PLRG1: variants seen among roughly 807,000 people sequenced by gnomAD.
PLRG1 encodes the protein pleiotropic regulator 1.
A neutral mutation model predicts 74.9 loss-of-function variants in PLRG1; 28 were observed. The ratio of observed to expected loss-of-function variants is 0.37; its 90% CI spans 0.28 to 0.51. The LOEUF is 0.51. Among genes scored for constraint, PLRG1 ranks in the 20% least tolerant of loss-of-function variants. PLRG1 has a pLI of 0.91. For synonymous variants in PLRG1, 197 were observed against 212.4 expected, an observed-to-expected ratio of 0.93 and a Z score of 0.63; for missense variants, 445 against 631.9, an observed-to-expected ratio of 0.70 and a Z score of 3.17.
rs1729670802 is a variant in PLRG1, at chr4:154,547,069, A to G, written c.260-5T>C. ...CAAAGTATTCAACTTCTTGTCCTAA[A>G]AAAACACAAAAAAAATCAACAGTAG... On this transcript the variant is annotated splice_polypyrimidine_tract_variant and splice_region_variant and intron_variant, in intron 3 of 14. Coordinates refer to ENST00000499023, the MANE Select transcript of PLRG1 (RefSeq NM_002669.4). The G allele has an allele frequency of 2.5e-6, 4 of 1,607,554 alleles. No individual in the cohort carries two copies. The highest frequency in any genetic ancestry group is 2.6e-6 in the Non-Finnish European group (3 of 1,174,066).
At chr4:154,549,534 T>C (rs1257934056) in intron 1 of PLRG1, 1 of 378,812 alleles carries the variant, frequency 2.6e-6, no homozygotes, top group East Asian at 7.2e-5. Flanking sequence ...GAGATGGTGC[T>C]TTGTAGCTGC....
rs530993501 is a variant in PLRG1 at position 154,544,463 on chromosome 4, T to C, written c.576A>G (p.Pro192=). 3.7e-6 allele frequency: 6 copies of C among 1,601,864 alleles called. No individual in the cohort carries two copies. The highest frequency in any genetic ancestry group is 1.7e-5 in the Admixed American group (1 of 59,974). Residue 192 remains proline, a synonymous_variant, in exon 7 of 15, where the codon CCA becomes CCG. Coordinates refer to ENST00000499023, the MANE Select transcript of PLRG1 (RefSeq NM_002669.4). The part of the protein sequence containing the change: ...APTMPKPQWH[P]PWKLYRVISG... ...CACTCACCCTGTAGAGTTTCCACGG[T>C]GGGTGCCACTGGGGTTTTGGCATTG...
intron 3 of PLRG1, 119 bp from the exon 4 acceptor site, chr4:154,547,183 A>G (rs1163093891): frequency 3.9e-6 from 3 of 771,894 alleles, no homozygotes; most frequent in East Asian, 5.3e-5. Context: ...TTTCTCAACT[A>G]AAGTCAAGCC....
In PLRG1 at chr4:154,550,311, T is replaced by C. The variant is rs1448375568; in HGVS notation, c.-3A>G. On this transcript the variant is annotated 5_prime_UTR_variant, in exon 1 of 15. Transcript: ENST00000499023. ...CAGTGTCACTTTACCTCGACCATGA[T>C]GCTACCGTGTATCCCACCTCCGGCA... The C allele has an allele frequency of 2.5e-6, 4 of 1,613,318 alleles. No individual in the cohort carries two copies. Among genetic ancestry groups the C allele is most frequent in the Non-Finnish European group, 1.7e-6 (2 of 1,179,316 alleles).
Position 154,550,280 on chromosome 4 carries a change from G to C in PLRG1, c.9+20C>G, listed in dbSNP as rs1459581219. The C allele has an allele frequency of 1.2e-6, 2 of 1,611,042 alleles. No homozygotes were observed. The highest frequency in any genetic ancestry group is 1.3e-5 in the African/African-American group (1 of 74,858). On this transcript the variant is annotated intron_variant, in intron 1 of 14. Coordinates refer to ENST00000499023, the MANE Select transcript of PLRG1 (RefSeq NM_002669.4). ...CAGTCCAGAGACAAACGACTCTTGA[G>C]AGCCCCAGTGTCACTTTACCTCGAC...
Position 154,550,321 on chromosome 4 carries a change from T to C in PLRG1, c.-13A>G, listed in dbSNP as rs374272341. 10 of 1,612,832 alleles carry C rather than the reference T, an allele frequency of 6.2e-6. No homozygotes were observed. Among genetic ancestry groups the C allele is most frequent in the Admixed American group, 5.0e-5 (3 of 60,036 alleles). ...TTACCTCGACCATGATGCTACCGTG[T>C]ATCCCACCTCCGGCAGGGAAGAAAC... is the stretch of plus-strand genomic sequence containing the variant. On this transcript the variant is annotated 5_prime_UTR_variant, in exon 1 of 15. In the 5' UTR this introduces an upstream ATG that the reference lacks. Transcript: ENST00000499023.
intron 1 of PLRG1, chr4:154,549,270 C>CA (rs1440056627): frequency 1.4e-5 from 5 of 362,268 alleles, no homozygotes; most frequent in Non-Finnish European, 2.7e-5. Flanking sequence ...CAAGAGGAAA[C>CA]AGACAAATAA....
In PLRG1 at chr4:154,547,050, A is replaced by C. The variant is rs1323352953; in HGVS notation, c.274T>G (p.Tyr92Asp). The C allele has an allele frequency of 6.2e-7, 1 of 1,612,226 alleles. No individual in the cohort carries two copies. Among genetic ancestry groups the C allele is most frequent in the African/African-American group, 1.3e-5 (1 of 74,904 alleles). ...YPANQGQEVE[Y>D]FVAGTHPYPP... ...TATGGATGTGTACCTGCCACAAAGT[A>C]TTCAACTTCTTGTCCTAAAAAAACA... Residue 92 changes from tyrosine (Y) to aspartate (D), a missense_variant, in exon 4 of 15, where the codon TAC (tyrosine) becomes GAC (aspartate). Around this residue, in one of 3 missense-constraint regions of PLRG1, gnomAD observed 206 missense variants for 210.8 expected, o/e 0.98. Coordinates refer to ENST00000499023, the MANE Select transcript of PLRG1 (RefSeq NM_002669.4).
chr4:154,543,346 G>T (rs1002606104), intron 7 of PLRG1, among the ~76,000 whole-genome samples: 1 of 151,556 alleles, frequency 6.6e-6, no homozygotes, highest in Non-Finnish European at 1.5e-5. Flanking sequence ...GCGGGGTTTT[G>T]TTGTGTTGCC....
intron 10 of PLRG1, chr4:154,540,349 A>G (rs1729533211): frequency 1.7e-6 from 1 of 583,292 alleles, no homozygotes; most frequent in South Asian, 2.2e-5. Context: ...TAGTTGTTAC[A>G]GAATGGAACG....
At chr4:154,542,502 T>C (rs1729572299) in intron 7 of PLRG1, among the ~76,000 whole-genome samples, 2 of 152,204 alleles carry the variant, frequency 1.3e-5, no homozygotes, top group Admixed American at 1.3e-4. Flanking sequence ...AGGAATACAT[T>C]ATTAATACTT....
chr4:154,545,458 G>T (rs772186102), intron 6 of PLRG1, among the ~76,000 whole-genome samples: 12 of 151,686 alleles, frequency 7.9e-5, no homozygotes, highest in Non-Finnish European at 1.2e-4. Flanking sequence ...TATAGCCCAT[G>T]AATAGTACAA....
chr4:154,544,994 A>G (rs938791019), intron 6 of PLRG1, among the ~76,000 whole-genome samples: 25 of 152,238 alleles, frequency 1.6e-4, no homozygotes, highest in African/African-American at 6.0e-4. Flanking sequence ...AATATAGCAA[A>G]GACTGACAGT....
At chr4:154,539,837 G>T in intron 11 of PLRG1, 114 bp downstream of exon 11, 1 of 700,362 alleles carries the variant, frequency 1.4e-6, no homozygotes, top group Non-Finnish European at 2.6e-6. Context: ...ATATGACACA[G>T]AAACACTGTA....
intron 13 of PLRG1, 167 bp from the exon 14 acceptor site, chr4:154,537,646 G>T (rs1729475193): frequency 3.6e-6 from 2 of 550,640 alleles, no homozygotes; most frequent in Non-Finnish European, 3.2e-6. Context: ...TTTCATTTGG[G>T]CTGGGTTCAG....
At chr4:154,548,735 A>G (rs1729703295) in intron 2 of PLRG1, 94 bp downstream of exon 2, 3 of 677,552 alleles carry the variant, frequency 4.4e-6, no homozygotes, top group East Asian at 2.7e-5. Flanking sequence ...GCCCATGACT[A>G]GCTTATCTTT....
rs117713038 is a variant in PLRG1, at chr4:154,548,526, C to G, written c.116+303G>C. On this transcript the variant is annotated intron_variant, in intron 2 of 14. Coordinates refer to ENST00000499023, the MANE Select transcript of PLRG1 (RefSeq NM_002669.4). ...CTAGCCAGGTACAATTTCAGCTCAGCAAGGCTCTGAGAGCAGCGGGAAGCT... is the reference window on the plus strand; with the variant it reads ...CTAGCCAGGTACAATTTCAGCTCAGGAAGGCTCTGAGAGCAGCGGGAAGCT... Among the ~76,000 whole-genome samples, 3 of 152,168 alleles carry G rather than the reference C, an allele frequency of 2.0e-5. No homozygotes were observed. In the East Asian group the frequency reaches 5.8e-4, roughly 29 times the overall value.
At chr4:154,543,177 T>G (rs1244950601) in intron 7 of PLRG1, among the ~76,000 whole-genome samples, 1 of 152,180 alleles carries the variant, frequency 6.6e-6, no homozygotes, top group Admixed American at 6.5e-5. Context: ...AGATAGGGTG[T>G]CACTCTGTCG....
chr4:154,547,158 C>T, intron 3 of PLRG1, 94 bp from the exon 4 acceptor site: 1 of 902,444 alleles, frequency 1.1e-6, no homozygotes, highest in Non-Finnish European at 1.8e-6. Context: ...AAGTTTTCAA[C>T]TGGATCTATC....
Sources: allele counts gnomAD v4.1 joint callset (sites outside exome capture counted in the v4.1 genomes callset), GRCh38; gene constraint gnomAD v4.1.1; regional missense constraint gnomAD v4.1.1; transcripts MANE v1.5; gene names NCBI Gene and HGNC (gene_info 2026-07-23, HGNC 2026-07-21).